SETBP1: variants seen among roughly 807,000 people sequenced by gnomAD.
SETBP1 encodes SET binding protein 1, also known as SET-binding protein.
Under a neutral mutation model 101.0 loss-of-function variants are expected in SETBP1, and 9 were observed. That is an observed-to-expected ratio of 0.09 (90% CI 0.05 to 0.16). The LOEUF (loss-of-function observed/expected upper bound fraction) is 0.16. Ranked by LOEUF, SETBP1 falls within the 10% of genes least tolerant of loss-of-function variation. SETBP1 has a pLI of 1.00. For synonymous variants in SETBP1, 818 were observed against 788.5 expected (o/e 1.04, Z -0.63); for missense variants, 1,858 against 2,033.8 (o/e 0.91, Z 1.66).
chr18:44,952,282 C>T lies in SETBP1; in HGVS notation c.2942C>T (p.Pro981Leu). ...HRSYTFYHENPYPSIFRINFD... is the reference protein window; with the variant it reads ...HRSYTFYHENLYPSIFRINFD... The stretch of plus-strand genomic sequence containing the variant: ...AGTTACACCTTCTACCACGAGAATC[C>T]ATATCCCAGCATTTTTCGGATTAAT... Residue 981 changes from proline (P) to leucine (L), a missense_variant, in exon 4 of 6, where the codon CCA (proline) becomes CTA (leucine). By Grantham distance (98) the Pro-to-Leu change is moderately conservative. This residue lies in a region of SETBP1 where 255 missense variants were observed against 300.1 expected (regional missense o/e 0.85). Transcript: ENST00000649279. 1 of 1,614,136 alleles carries T rather than the reference C, an allele frequency of 6.2e-7. No homozygotes were observed. Among genetic ancestry groups the T allele is most frequent in the Non-Finnish European group, 8.5e-7 (1 of 1,180,026 alleles).
At chr18:44,919,844 A>G (rs1275852067) in intron 3 of SETBP1, among the ~76,000 whole-genome samples, 1 of 152,084 alleles carries the variant, frequency 6.6e-6, no homozygotes. Flanking sequence ...TATTACATAT[A>G]GGTTTGTATG....
intron 4 of SETBP1, among the ~76,000 whole-genome samples, chr18:44,981,749 T>C (rs1461737993): frequency 2.0e-5 from 3 of 152,224 alleles, no homozygotes; most frequent in Non-Finnish European, 4.4e-5. Context: ...TGCCCCCTTT[T>C]GGTTGCTTCT....
At chr18:44,895,102 A>G (rs1157208455) in intron 3 of SETBP1, among the ~76,000 whole-genome samples, 2 of 145,908 alleles carry the variant, frequency 1.4e-5, no homozygotes, top group South Asian at 2.3e-4. Flanking sequence ...CAACAGAGGA[A>G]AATCCTGTCT....
intron 4 of SETBP1, chr18:44,988,294 CA>C (rs2072283998): frequency 6.6e-6 from 1 of 152,134 alleles, no homozygotes; most frequent in African/African-American, 2.4e-5. Context: ...AGTTGAATTT[CA>C]GGTTGCCTGA....
intron 3 of SETBP1, among the ~76,000 whole-genome samples, chr18:44,922,682 G>T (rs544727022): frequency 6.6e-6 from 1 of 152,312 alleles, no homozygotes; most frequent in South Asian, 2.1e-4. Flanking sequence ...TAATGACAGA[G>T]TTTTTCTTGC....
chr18:44,781,568 A>G (rs2071132316), intron 2 of SETBP1, among the ~76,000 whole-genome samples: 1 of 135,166 alleles, frequency 7.4e-6, no homozygotes, highest in Non-Finnish European at 1.5e-5. Flanking sequence ...TCATTTATGT[A>G]TCCCTATTGC....
intron 2 of SETBP1, among the ~76,000 whole-genome samples, chr18:44,833,811 G>A (rs189094158): frequency 6.6e-6 from 1 of 152,352 alleles, no homozygotes; most frequent in African/African-American, 2.4e-5. Flanking sequence ...AAGGGGAAAA[G>A]ATAAAGGATC....
chr18:45,038,925 CATT>C (rs1306122831), intron 5 of SETBP1, among the ~76,000 whole-genome samples: 1 of 152,182 alleles, frequency 6.6e-6, no homozygotes, highest in Non-Finnish European at 1.5e-5. Flanking sequence ...TAAATGCTAA[CATT>C]ATTAATCACT....
chr18:44,806,413 G>T (rs1257175191), intron 2 of SETBP1, among the ~76,000 whole-genome samples: 1 of 151,826 alleles, frequency 6.6e-6, no homozygotes, highest in Non-Finnish European at 1.5e-5. Flanking sequence ...TTCAGGAAAG[G>T]TTCATTCTAA....
At position 44,995,982 on chromosome 18, in the gene SETBP1, A is replaced by G. The variant is rs377570195; in HGVS notation, c.4001-42503A>G. Among the ~76,000 whole-genome samples the G allele has an allele frequency of 5.9e-5, 9 of 152,330 alleles. No homozygotes were observed. The East Asian group carries it at 1.5e-3, about 26-fold the overall frequency. On this transcript the variant is annotated intron_variant, in intron 4 of 5. Coordinates refer to ENST00000649279, the MANE Select transcript of SETBP1 (RefSeq NM_015559.3). Reference sequence around the variant, plus strand: ...CCATAACACTTACCAAATGATTTGAACTGATATTTTTTAGGAAAATGTTTT... The same window carrying G: ...CCATAACACTTACCAAATGATTTGAGCTGATATTTTTTAGGAAAATGTTTT...
chr18:44,916,173 C>T (rs2070421696), intron 3 of SETBP1, among the ~76,000 whole-genome samples: 1 of 152,106 alleles, frequency 6.6e-6, no homozygotes, highest in Admixed American at 6.5e-5. Flanking sequence ...TTGCAGTGAG[C>T]CGAGATCATG....
rs116862339 is a variant in SETBP1, at chr18:45,018,495, G to T, written c.4001-19990G>T. On this transcript the variant is annotated intron_variant, in intron 4 of 5. Transcript: ENST00000649279. Reference sequence around the variant, plus strand: ...GGTGGACGCTCTTGGAAACATATGAGAAGTATATGACATTGTCTCTTTCCT... The same window carrying T: ...GGTGGACGCTCTTGGAAACATATGATAAGTATATGACATTGTCTCTTTCCT... Among the ~76,000 whole-genome samples the T allele has an allele frequency of 3.3e-4, 51 of 152,308 alleles. 1 individual carries two copies. The highest frequency in any genetic ancestry group is 3.1e-3 in the East Asian group (16 of 5,184).
intron 3 of SETBP1, among the ~76,000 whole-genome samples, chr18:44,910,779 G>T (rs2070288923): frequency 6.6e-6 from 1 of 152,152 alleles, no homozygotes; most frequent in African/African-American, 2.4e-5. Context: ...TAGTGGGTAG[G>T]GTTGTTTCTA....
intron 4 of SETBP1, among the ~76,000 whole-genome samples, chr18:45,005,807 C>T (rs933795901): frequency 7.9e-5 from 12 of 151,382 alleles, no homozygotes; most frequent in South Asian, 2.1e-4. Flanking sequence ...CCACCACGCC[C>T]GGCTAATTTT....
chr18:44,693,028 G>A (rs2068959603), intron 1 of SETBP1, among the ~76,000 whole-genome samples: 2 of 152,344 alleles, frequency 1.3e-5, no homozygotes, highest in South Asian at 4.1e-4. Flanking sequence ...GACAGGTGAT[G>A]TATCTTCAGG....
chr18:44,732,839 T>C (rs552517054), intron 2 of SETBP1: 1 of 152,294 alleles, frequency 6.6e-6, no homozygotes, highest in East Asian at 1.9e-4. Context: ...TCCCCAAGTG[T>C]GTAACTCAAC....
chr18:44,690,623 C>G (rs1568091636), intron 1 of SETBP1, among the ~76,000 whole-genome samples: 1 of 152,162 alleles, frequency 6.6e-6, no homozygotes, highest in African/African-American at 2.4e-5. Flanking sequence ...ACTGGTGGCT[C>G]TATGGTTCAA....
rs1247441329 is a variant in SETBP1, at chr18:44,827,500, C to G, written c.487-41730C>G. Among the ~76,000 whole-genome samples, 12 of 152,298 alleles carry G rather than the reference C, an allele frequency of 7.9e-5. No individual in the cohort carries two copies. The South Asian group carries it at 2.3e-3, about 29-fold the overall frequency. ...CAGCCCCCATGATAGCTCATTCACT[C>G]ATTTCTTCATTGCAACATATACATC... is the stretch of plus-strand genomic sequence containing the variant. On this transcript the variant is annotated intron_variant, in intron 2 of 5. Transcript: ENST00000649279.
intron 1 of SETBP1, among the ~76,000 whole-genome samples, chr18:44,694,638 G>A (rs982844180): frequency 7.2e-5 from 11 of 152,234 alleles, no homozygotes; most frequent in African/African-American, 2.4e-4. Context: ...ACTAGAACTT[G>A]ATATGGTCTC....
Sources: allele counts gnomAD v4.1 joint callset (sites outside exome capture counted in the v4.1 genomes callset), GRCh38; gene constraint gnomAD v4.1.1; regional missense constraint gnomAD v4.1.1; transcripts MANE v1.5; gene names NCBI Gene and HGNC (gene_info 2026-07-23, HGNC 2026-07-21).